Variants in CELF1 observed in about 807,000 individuals in gnomAD.
CELF1 encodes the protein CUGBP Elav-like family member 1.
A neutral mutation model predicts 61.8 loss-of-function variants in CELF1; 10 were observed. That is an observed-to-expected ratio of 0.16 (90% CI 0.10 to 0.27). CELF1 has a LOEUF of 0.27. CELF1 is among the 10% of genes least tolerant of loss of function. The probability of loss-of-function intolerance (pLI) is 1.00; values close to 1 mark genes in which losing one functional copy is unlikely to be tolerated. For synonymous variants in CELF1, 236 were observed against 225.1 expected, an observed-to-expected ratio of 1.05 and a Z score of -0.43; for missense variants, 380 against 639.1, an observed-to-expected ratio of 0.59 and a Z score of 4.37.
intron 1 of CELF1, among the ~76,000 whole-genome samples, chr11:47,514,334 A>C (rs1259340810): frequency 6.6e-6 from 1 of 152,170 alleles, no homozygotes; most frequent in East Asian, 1.9e-4. Flanking sequence ...GCCATTATTA[A>C]AGGATCAGAG....
At chr11:47,495,751 T>C (rs2092970121) in intron 3 of CELF1, among the ~76,000 whole-genome samples, 1 of 152,208 alleles carries the variant, frequency 6.6e-6, no homozygotes, top group Admixed American at 6.5e-5. Flanking sequence ...AGTCCACCTG[T>C]GTCCTTATAA....
At chr11:47,520,457 A>G (rs1250351635) in intron 1 of CELF1, among the ~76,000 whole-genome samples, 5 of 152,116 alleles carry the variant, frequency 3.3e-5, no homozygotes, top group Non-Finnish European at 5.9e-5. Flanking sequence ...TGCTGGTTCT[A>G]CCTTCCCATG....
intron 1 of CELF1, among the ~76,000 whole-genome samples, chr11:47,541,838 A>T (rs1191106035): frequency 6.6e-6 from 1 of 150,396 alleles, no homozygotes; most frequent in Non-Finnish European, 1.5e-5. Flanking sequence ...AAGAAAGAAA[A>T]TGGAAACTAC....
At chr11:47,481,289 A>G (rs965719881) in intron 9 of CELF1, among the ~76,000 whole-genome samples, 2 of 151,184 alleles carry the variant, frequency 1.3e-5, no homozygotes, top group Non-Finnish European at 2.9e-5. Context: ...CACCACACCC[A>G]TGTAATTTTT....
chr11:47,562,968 C>A (rs2097231230), intron 2 of CELF1, among the ~76,000 whole-genome samples: 1 of 152,074 alleles, frequency 6.6e-6, no homozygotes, highest in Admixed American at 6.6e-5. Context: ...CTGCCTCCGC[C>A]TCCCAAAGTG....
rs2080702925 is a variant in CELF1, at chr11:47,477,277, T to C, written c.973+20A>G. Reference sequence around the variant, plus strand: ...CTGTCCAAGGCACATAATGGCACACTGGGTCATCCTCATGCTTACCTGAAC... The same window carrying C: ...CTGTCCAAGGCACATAATGGCACACCGGGTCATCCTCATGCTTACCTGAAC... On this transcript the variant is annotated intron_variant, in intron 11 of 14. Transcript: ENST00000687097. 1.2e-6 allele frequency: 2 copies of C among 1,613,736 alleles called. No individual in the cohort carries two copies. Among genetic ancestry groups the C allele is most frequent in the Non-Finnish European group, 1.7e-6 (2 of 1,179,774 alleles).
chr11:47,466,231 A>T lies in CELF1; in HGVS notation c.*5999T>A, dbSNP rs374301147. 6.6e-6 allele frequency: 1 copy of T among 152,326 alleles called. No homozygotes were observed. Among genetic ancestry groups the T allele is most frequent in the East Asian group, 1.9e-4 (1 of 5,192 alleles). The allele number at this position is 152,326 out of a possible 1,614,324, so 9.4% of individuals were successfully genotyped here. A position where few individuals can be genotyped will look rare whatever the true frequency, so the allele number is the denominator to read the frequency against. On this transcript the variant is annotated 3_prime_UTR_variant, in exon 15 of 15. Transcript: ENST00000687097. ...TTTTTAAACCATTAAAGTAAAATCCATAATTTTCTACAGAGTACAACACAA... is the reference window on the plus strand; with the variant it reads ...TTTTTAAACCATTAAAGTAAAATCCTTAATTTTCTACAGAGTACAACACAA...
Position 47,488,901 on chromosome 11 carries a change from C to A in CELF1, c.195G>T (p.Gln65His). The change falls in exon 4 of 15, where the codon CAG becomes CAT. Residue 65 changes from glutamine to histidine, a missense_variant. Transcript: ENST00000687097. Reference protein sequence around the residue: ...SEKDLRELFEQYGAVYEINVL... With the variant: ...SEKDLRELFEHYGAVYEINVL... The stretch of plus-strand genomic sequence containing the variant: ...CGTTGATTTCATACACAGCACCATA[C>A]TGTTCGAAGAGTTCCCGCAAGTCCT... The A allele has an allele frequency of 6.2e-7, 1 of 1,613,010 alleles. No homozygotes were observed. The highest frequency in any genetic ancestry group is 8.5e-7 in the Non-Finnish European group (1 of 1,179,642).
chr11:47,491,189 G>T (rs2091294239), intron 3 of CELF1, among the ~76,000 whole-genome samples: 1 of 151,170 alleles, frequency 6.6e-6, no homozygotes, highest in African/African-American at 2.4e-5. Context: ...ATTTGAGACA[G>T]ATTCTCTCTG....
chr11:47,562,025 G>A (rs571964594), intron 2 of CELF1, among the ~76,000 whole-genome samples: 82 of 151,890 alleles, frequency 5.4e-4, no homozygotes, highest in Middle Eastern at 3.4e-3. Context: ...TCGGGAGTTC[G>A]AGACCAGGCT....
At chr11:47,511,300 TAGAGGAGGGAG>T (rs1565859876) in intron 1 of CELF1, among the ~76,000 whole-genome samples, 1 of 151,772 alleles carries the variant, frequency 6.6e-6, no homozygotes, top group Non-Finnish European at 1.5e-5. Flanking sequence ...AGGTCAAAGA[TAGAGGAGGGAG>T]AGGCAGGCCC....
chr11:47,477,453 CA>C (rs1193219798), intron 10 of CELF1, 28 bp from the exon 11 acceptor site: 1 of 1,610,998 alleles, frequency 6.2e-7, no homozygotes, highest in East Asian at 2.2e-5. Context: ...AGAGATTAGC[CA>C]GCAGATAAGG....
At chr11:47,529,625 C>T (rs999010966) in intron 1 of CELF1, among the ~76,000 whole-genome samples, 1 of 151,950 alleles carries the variant, frequency 6.6e-6, no homozygotes, top group African/African-American at 2.4e-5. Flanking sequence ...TGTCACTGCA[C>T]TCCAGCCTAG....
chr11:47,540,815 G>A (rs904450204), intron 1 of CELF1, among the ~76,000 whole-genome samples: 1 of 152,150 alleles, frequency 6.6e-6, no homozygotes, highest in Admixed American at 6.6e-5. Flanking sequence ...AAACCAGGAG[G>A]TGGAGGCTGC....
At chr11:47,540,509 T>C (rs912807323) in intron 1 of CELF1, among the ~76,000 whole-genome samples, 4 of 152,190 alleles carry the variant, frequency 2.6e-5, no homozygotes, top group Admixed American at 6.5e-5. Flanking sequence ...CAAACAGTTA[T>C]GCATTTTCAA....
At chr11:47,520,716 G>A (rs1407348058) in intron 1 of CELF1, among the ~76,000 whole-genome samples, 1 of 152,176 alleles carries the variant, frequency 6.6e-6, no homozygotes, top group Non-Finnish European at 1.5e-5. Context: ...GGAGGCTGAG[G>A]TGGGAGGATC....
chr11:47,474,250 C>T lies in CELF1; in HGVS notation c.1274-1019G>A, dbSNP rs147992072. Among the ~76,000 whole-genome samples, 290 of 152,324 alleles carry T rather than the reference C, an allele frequency of 1.9e-3. 1 individual carries two copies. The highest frequency in any genetic ancestry group is 0.014 in the Middle Eastern group (4 of 294). On this transcript the variant is annotated intron_variant, in intron 13 of 14. Coordinates refer to ENST00000687097, the MANE Select transcript of CELF1 (RefSeq NM_001376376.1). ...TTATTACAATTGCAGTCCAGCCATT[C>T]TCCAGCCACCCTGGCCTCCCTGTTT...
exon 1 of CELF1, chr11:47,565,278 G>C (rs2097241555): frequency 6.1e-6 from 1 of 164,256 alleles, no homozygotes; most frequent in South Asian, 2.0e-4. Flanking sequence ...TCTCACCTGG[G>C]GTCACAACCC....
chr11:47,507,776 A>C (rs2094633299), intron 1 of CELF1, among the ~76,000 whole-genome samples: 1 of 152,200 alleles, frequency 6.6e-6, no homozygotes, highest in African/African-American at 2.4e-5. Context: ...CCCTGAAGAC[A>C]GAGAGATTTC....
Sources: allele counts gnomAD v4.1 joint callset (sites outside exome capture counted in the v4.1 genomes callset), GRCh38; gene constraint gnomAD v4.1.1; transcripts MANE v1.5; gene names NCBI Gene and HGNC (gene_info 2026-07-23, HGNC 2026-07-21).